The following GRID2 variants were observed in gnomAD, a reference collection of about 807,000 sequenced individuals.
The protein encoded by GRID2 is glutamate ionotropic receptor delta type subunit 2.
In GRID2, 33 loss-of-function variants were observed where a neutral mutation model predicts 114.8. The observed-to-expected ratio is 0.29, with a 90% CI of 0.22 to 0.38. GRID2 has a LOEUF of 0.38. GRID2 is among the 10% of genes least tolerant of loss of function. The pLI is 1.00. For synonymous variants in GRID2, 505 were observed against 449.9 expected (o/e 1.12, Z -1.55); for missense variants, 1,184 against 1,257.7 (o/e 0.94, Z 0.89).
intron 2 of GRID2, among the ~76,000 whole-genome samples, chr4:92,785,474 A>T (rs933008300): frequency 2.6e-5 from 4 of 151,630 alleles, no homozygotes; most frequent in African/African-American, 7.2e-5. Flanking sequence ...GGAGAAAAAA[A>T]ATATAAGAAA....
intron 2 of GRID2, among the ~76,000 whole-genome samples, chr4:93,033,973 A>G (rs1724679823): frequency 6.6e-6 from 1 of 152,196 alleles, no homozygotes; most frequent in African/African-American, 2.4e-5. Context: ...TTAGTAGGTA[A>G]TCACAATATG....
intron 2 of GRID2, among the ~76,000 whole-genome samples, chr4:92,734,154 T>C (rs1301281911): frequency 6.6e-6 from 1 of 152,096 alleles, no homozygotes; most frequent in East Asian, 1.9e-4. Context: ...TTCAAAGTAT[T>C]CAAAATTTTA....
At chr4:93,729,554 T>C (rs923051073) in intron 14 of GRID2, among the ~76,000 whole-genome samples, 2 of 148,634 alleles carry the variant, frequency 1.3e-5, no homozygotes, top group East Asian at 1.9e-4. Context: ...ATCATTTTCT[T>C]TTTTTTTTTG....
intron 13 of GRID2, among the ~76,000 whole-genome samples, chr4:93,515,966 GTTTTTC>G (rs1204520481): frequency 2.6e-5 from 4 of 152,050 alleles, no homozygotes; most frequent in Non-Finnish European, 5.9e-5. Context: ...TAGAAAGACT[GTTTTTC>G]TTTTATGTGA....
intron 2 of GRID2, among the ~76,000 whole-genome samples, chr4:92,696,055 T>C (rs866303698): frequency 8.5e-5 from 13 of 152,146 alleles, no homozygotes; most frequent in African/African-American, 2.9e-4. Flanking sequence ...TTCTAAGACT[T>C]GTTAGTTAAT....
intron 4 of GRID2, among the ~76,000 whole-genome samples, chr4:93,153,691 T>A (rs545667736): frequency 1.3e-5 from 2 of 152,164 alleles, no homozygotes; most frequent in South Asian, 4.1e-4. Flanking sequence ...GAAAGTGAAT[T>A]ACTGACTCAA....
chr4:93,117,329 T>G (rs537586802), intron 4 of GRID2, among the ~76,000 whole-genome samples: 1 of 152,248 alleles, frequency 6.6e-6, no homozygotes, highest in South Asian at 2.1e-4. Context: ...AATCCTATGC[T>G]TCTTACTTTT....
At chr4:93,274,203 A>T (rs1751808740) in intron 8 of GRID2, among the ~76,000 whole-genome samples, 1 of 152,112 alleles carries the variant, frequency 6.6e-6, no homozygotes, top group Non-Finnish European at 1.5e-5. Context: ...CATTGATAGT[A>T]GCCAATAAAA....
chr4:93,617,139 A>G (rs1560824623), intron 13 of GRID2, among the ~76,000 whole-genome samples: 1 of 152,254 alleles, frequency 6.6e-6, no homozygotes, highest in South Asian at 2.1e-4. Flanking sequence ...AAGATCTGAA[A>G]GAATCAGCTC....
At chr4:93,468,748 G>C (rs193012463) in intron 11 of GRID2, among the ~76,000 whole-genome samples, 58 of 152,200 alleles carry the variant, frequency 3.8e-4, no homozygotes, top group African/African-American at 1.2e-3. Context: ...AAGCAGAGAA[G>C]TGACAGGACA....
At chr4:93,448,834 CCCTT>C (rs1722363547) in intron 10 of GRID2, among the ~76,000 whole-genome samples, 1 of 14,380 alleles carries the variant, frequency 7.0e-5, no homozygotes, top group African/African-American at 3.2e-4. Context: ...CCCTTCCCTT[CCCTT>C]CCCTTCCCTT....
In GRID2 at chr4:92,562,231, G is replaced by A. The variant is rs554355152; in HGVS notation, c.89-27900G>A. On this transcript the variant is annotated intron_variant, in intron 1 of 15. Transcript: ENST00000282020. ...AACAAGTTCAGTTTATTTAGACTGA[G>A]GCCATTGCAATAAAGAACAAAGTTC... Among the ~76,000 whole-genome samples the A allele has an allele frequency of 2.4e-4, 37 of 152,062 alleles. 1 individual carries two copies. Among genetic ancestry groups the A allele is most frequent in the Non-Finnish European group, 4.9e-4 (33 of 68,000 alleles).
intron 10 of GRID2, among the ~76,000 whole-genome samples, chr4:93,428,069 A>T (rs975579383): frequency 6.6e-6 from 1 of 152,032 alleles, no homozygotes; most frequent in Non-Finnish European, 1.5e-5. Flanking sequence ...TCTGAATTAG[A>T]TACAGTTGGA....
chr4:92,613,833 T>C (rs1579686661), intron 2 of GRID2, among the ~76,000 whole-genome samples: 1 of 151,502 alleles, frequency 6.6e-6, no homozygotes, highest in East Asian at 1.9e-4. Context: ...TGTTTCTTTT[T>C]TATTTCACTG....
chr4:92,872,127 T>C (rs1745323470), intron 2 of GRID2, among the ~76,000 whole-genome samples: 1 of 152,180 alleles, frequency 6.6e-6, no homozygotes, highest in Non-Finnish European at 1.5e-5. Flanking sequence ...ATTAACTTAT[T>C]TTTAGTAGAG....
intron 2 of GRID2, among the ~76,000 whole-genome samples, chr4:92,734,333 C>A (rs1451051357): frequency 6.6e-6 from 1 of 151,818 alleles, no homozygotes; most frequent in Non-Finnish European, 1.5e-5. Flanking sequence ...ATCACCCAGG[C>A]TGAATGAAGT....
intron 14 of GRID2, among the ~76,000 whole-genome samples, chr4:93,628,510 C>G (rs1742935632): frequency 6.6e-6 from 1 of 151,900 alleles, no homozygotes; most frequent in Non-Finnish European, 1.5e-5. Context: ...AGGGGAAATA[C>G]GGAGAAGGAA....
At chr4:92,807,015 C>T (rs1178119356) in intron 2 of GRID2, among the ~76,000 whole-genome samples, 1 of 151,760 alleles carries the variant, frequency 6.6e-6, no homozygotes, top group East Asian at 2.0e-4. Flanking sequence ...AATTGTTCAC[C>T]TATTATCTGG....
chr4:93,560,095 G>C (rs1011329178), intron 13 of GRID2, among the ~76,000 whole-genome samples: 2 of 151,784 alleles, frequency 1.3e-5, no homozygotes, highest in African/African-American at 4.8e-5. Flanking sequence ...GGGGGCTAGG[G>C]GATGGATAGC....
Sources: allele counts gnomAD v4.1 joint callset (sites outside exome capture counted in the v4.1 genomes callset), GRCh38; gene constraint gnomAD v4.1.1; transcripts MANE v1.5; gene names NCBI Gene and HGNC (gene_info 2026-07-23, HGNC 2026-07-21).